Variants in IL6R observed in about 807,000 individuals in gnomAD.
IL6R encodes the protein interleukin-6 receptor subunit alpha.
In IL6R, 38 loss-of-function variants were observed where a neutral mutation model predicts 48.3. The observed-to-expected ratio is 0.79, with a 90% CI of 0.61 to 1.03. The LOEUF is 1.03. Among genes scored for constraint, IL6R ranks in the 50% least tolerant of loss-of-function variants. The pLI is 0.00. For synonymous variants in IL6R, 264 were observed against 256.2 expected (o/e 1.03, Z -0.29); for missense variants, 534 against 618.3 (o/e 0.86, Z 1.45).
chr1:154,463,118 T>A (rs565388409), intron 9 of IL6R, among the ~76,000 whole-genome samples: 6 of 151,304 alleles, frequency 4.0e-5, no homozygotes, highest in Non-Finnish European at 8.8e-5. Context: ...TTTGCTTTTA[T>A]AAAAAACACT....
chr1:154,450,820 C>T (rs1690541957), intron 8 of IL6R, among the ~76,000 whole-genome samples: 1 of 152,200 alleles, frequency 6.6e-6, no homozygotes, highest in South Asian at 2.1e-4. Context: ...TGAGGCAGTC[C>T]TTGCCCTCGT....
At chr1:154,464,761 C>T (rs1691458554) in intron 9 of IL6R, among the ~76,000 whole-genome samples, 1 of 151,948 alleles carries the variant, frequency 6.6e-6, no homozygotes, top group South Asian at 2.1e-4. Context: ...GAATTCAAGA[C>T]CAGCCTGAGC....
rs139460171 is a variant in IL6R at position 154,429,028 on chromosome 1, C to T, written c.86-168C>T. On this transcript the variant is annotated intron_variant, in intron 1 of 9. Transcript: ENST00000368485. The stretch of plus-strand genomic sequence containing the variant: ...TCCCAGGCAGCTGGATGGTGAAGAC[C>T]AGGTTGGGGAGGTCACCAGGAGAAT... 5.6e-3 allele frequency among the ~76,000 whole-genome samples: 854 copies of T among 152,162 alleles called. 11 individuals carry two copies. Among genetic ancestry groups the T allele is most frequent in the African/African-American group, 0.019 (809 of 41,510 alleles).
intron 8 of IL6R, among the ~76,000 whole-genome samples, chr1:154,451,904 G>T (rs1283098215): frequency 6.6e-6 from 1 of 152,148 alleles, no homozygotes; most frequent in Non-Finnish European, 1.5e-5. Flanking sequence ...ACCCAGATCT[G>T]TTCTTCTCCA....
At chr1:154,417,266 G>C (rs1037603306) in intron 1 of IL6R, among the ~76,000 whole-genome samples, 1 of 152,178 alleles carries the variant, frequency 6.6e-6, no homozygotes, top group African/African-American at 2.4e-5. Flanking sequence ...CCCAGCTCCG[G>C]TCCTGACACC....
At chr1:154,423,947 A>G (rs1344469985) in intron 1 of IL6R, among the ~76,000 whole-genome samples, 2 of 152,258 alleles carry the variant, frequency 1.3e-5, no homozygotes, top group Non-Finnish European at 2.9e-5. Flanking sequence ...GCTATTGTTC[A>G]GGCTGGCCGC....
At chr1:154,422,085 T>C (rs1412356811) in intron 1 of IL6R, among the ~76,000 whole-genome samples, 1 of 152,178 alleles carries the variant, frequency 6.6e-6, no homozygotes, top group East Asian at 1.9e-4. Flanking sequence ...TAGCTGGGAT[T>C]ACAGGTGTGT....
chr1:154,424,698 T>TG (rs1688868631), intron 1 of IL6R, among the ~76,000 whole-genome samples: 1 of 152,176 alleles, frequency 6.6e-6, no homozygotes, highest in Non-Finnish European at 1.5e-5. Context: ...CAGGCACTGA[T>TG]GGACTTCAAG....
chr1:154,452,763 G>A (rs974550810), intron 8 of IL6R, among the ~76,000 whole-genome samples: 4 of 151,768 alleles, frequency 2.6e-5, no homozygotes, highest in Non-Finnish European at 4.4e-5. Context: ...CCCGGGAGGC[G>A]GAGGTTGCAG....
intron 2 of IL6R, 107 bp downstream of exon 2, chr1:154,429,551 C>G: frequency 1.5e-6 from 2 of 1,370,942 alleles, no homozygotes; most frequent in Non-Finnish European, 9.8e-7. Flanking sequence ...ATTTCCTTGG[C>G]GCAAGAATTT....
Position 154,429,413 on chromosome 1 carries a change from C to T in IL6R, c.303C>T (p.Arg101=), listed in dbSNP as rs1179199813. 3 of 1,613,648 alleles carry T rather than the reference C, an allele frequency of 1.9e-6. No individual in the cohort carries two copies. Among genetic ancestry groups the T allele is most frequent in the East Asian group, 2.2e-5 (1 of 44,890 alleles). The change falls in exon 2 of 10, where the codon CGC becomes CGT. Residue 101 remains arginine, a synonymous_variant. Coordinates refer to ENST00000368485, the MANE Select transcript of IL6R (RefSeq NM_000565.4). ...ACTATTCATGCTACCGGGCCGGCCGCCCAGCTGGGACTGTGCACTTGCTGG... is the reference window on the plus strand; with the variant it reads ...ACTATTCATGCTACCGGGCCGGCCGTCCAGCTGGGACTGTGCACTTGCTGG... ...SGNYSCYRAG[R]PAGTVHLLVD... is the part of the protein sequence containing the mutation.
rs147394499 is a variant in IL6R at position 154,430,576 on chromosome 1, C to A, written c.428C>A (p.Thr143Lys). 3 of 1,614,062 alleles carry A rather than the reference C, an allele frequency of 1.9e-6. No homozygotes were observed. The highest frequency in any genetic ancestry group is 1.7e-6 in the Non-Finnish European group (2 of 1,180,038). Residue 143 changes from threonine to lysine, a missense_variant, in exon 3 of 10, where the codon ACG (threonine) becomes AAG (lysine). Coordinates refer to ENST00000368485, the MANE Select transcript of IL6R (RefSeq NM_000565.4). The part of the protein sequence containing the change: ...EWGPRSTPSL[T>K]TKAVLLVRKF... ...GGTCCTCGGAGCACCCCATCCCTGA[C>A]GACAAAGGCTGTGCTCTTGGTGAGG...
At chr1:154,419,843 A>G (rs1403265751) in intron 1 of IL6R, among the ~76,000 whole-genome samples, 1 of 152,176 alleles carries the variant, frequency 6.6e-6, no homozygotes, top group Non-Finnish European at 1.5e-5. Context: ...AGGGGGAAAA[A>G]GTAGAAAAAC....
At chr1:154,459,241 G>A (rs1002045502) in intron 9 of IL6R, among the ~76,000 whole-genome samples, 27 of 152,198 alleles carry the variant, frequency 1.8e-4, no homozygotes, top group African/African-American at 6.3e-4. Context: ...GATGATGCTT[G>A]GACACTGGCT....
chr1:154,427,147 T>G (rs1033864462), intron 1 of IL6R, among the ~76,000 whole-genome samples: 2 of 152,142 alleles, frequency 1.3e-5, no homozygotes, highest in Non-Finnish European at 2.9e-5. Flanking sequence ...CTCGATCTCT[T>G]GACTTGTGAT....
intron 3 of IL6R, 135 bp downstream of exon 3, chr1:154,430,741 G>A: frequency 8.4e-7 from 1 of 1,190,888 alleles, no homozygotes. Flanking sequence ...GAGGAGATGA[G>A]AGGGAACTGA....
intron 9 of IL6R, among the ~76,000 whole-genome samples, chr1:154,462,723 C>G (rs539254114): frequency 3.8e-4 from 58 of 152,104 alleles, no homozygotes; most frequent in African/African-American, 1.3e-3. Context: ...ACCAATTTCT[C>G]TTAATCAACC....
intron 1 of IL6R, among the ~76,000 whole-genome samples, chr1:154,412,547 C>T (rs1466821158): frequency 3.9e-5 from 6 of 152,128 alleles, no homozygotes; most frequent in African/African-American, 7.2e-5. Flanking sequence ...CGTGAGCTAC[C>T]GCGCCCGGCC....
At position 154,465,231 on chromosome 1, in the gene IL6R, C is replaced by T. The variant is rs376291841; in HGVS notation, c.1258C>T (p.Pro420Ser). Residue 420 changes from proline (P) to serine (S), a missense_variant, in exon 10 of 10, where the codon CCC becomes TCC. Transcript: ENST00000368485. Reference protein sequence around the residue: ...LGQLVPERPRPTPVLVPLISP... With the variant: ...LGQLVPERPRSTPVLVPLISP... ...GCAGCTGGTCCCGGAGAGGCCTCGACCCACCCCAGTGCTTGTTCCTCTCAT... is the reference window on the plus strand; with the variant it reads ...GCAGCTGGTCCCGGAGAGGCCTCGATCCACCCCAGTGCTTGTTCCTCTCAT... 15 of 1,614,058 alleles carry T rather than the reference C, an allele frequency of 9.3e-6. No individual in the cohort carries two copies. Among genetic ancestry groups the T allele is most frequent in the East Asian group, 2.2e-5 (1 of 44,896 alleles).
Sources: gnomAD v4.1 joint callset for allele counts (sites outside exome capture counted in the v4.1 genomes callset) on GRCh38, gnomAD v4.1.1 for gene constraint, MANE v1.5 for transcripts, NCBI Gene and HGNC (gene_info 2026-07-23, HGNC 2026-07-21) for gene names.